SPTBN4: variants seen among roughly 807,000 people sequenced by gnomAD.
SPTBN4 encodes spectrin beta chain, non-erythrocytic 4.
A neutral mutation model predicts 277.8 loss-of-function variants in SPTBN4; 96 were observed. That is an observed-to-expected ratio of 0.35 (90% CI 0.29 to 0.41). The LOEUF (loss-of-function observed/expected upper bound fraction) is 0.41, where lower values mean the gene tolerates loss of function less well. SPTBN4 is among the 10% of genes least tolerant of loss of function. The probability of loss-of-function intolerance (pLI) is 1.00; values close to 1 mark genes in which losing one functional copy is unlikely to be tolerated. For synonymous variants in SPTBN4, 1,481 were observed against 1,580.3 expected (o/e 0.94, Z 1.49); for missense variants, 3,006 against 3,595.7 (o/e 0.84, Z 4.19).
chr19:40,482,137 A>G (rs1379172732), intron 2 of SPTBN4, among the ~76,000 whole-genome samples: 2 of 151,712 alleles, frequency 1.3e-5, no homozygotes, highest in Non-Finnish European at 2.9e-5. Flanking sequence ...GGGTTTCACC[A>G]TGTTGGCCAG....
In SPTBN4 at chr19:40,568,359, A is replaced by G. The variant is rs1599822395; in HGVS notation, c.6956+77A>G. Reference sequence around the variant, plus strand: ...CTCCTAGAACCCCTCAGGCCCAGTGAAAGGGCTTCAGGGCTCAGAACTTCC... The same window carrying G: ...CTCCTAGAACCCCTCAGGCCCAGTGGAAGGGCTTCAGGGCTCAGAACTTCC... On this transcript the variant is annotated intron_variant, in intron 31 of 35. Transcript: ENST00000598249. 8 of 1,463,794 alleles carry G rather than the reference A, an allele frequency of 5.5e-6. No homozygotes were observed. In the East Asian group the frequency reaches 2.0e-4, roughly 37 times the overall value. The allele number at this position is 1,463,794 out of a possible 1,614,324, so 90.7% of individuals were successfully genotyped here.
intron 7 of SPTBN4, among the ~76,000 whole-genome samples, chr19:40,499,334 C>T (rs1032306647): frequency 4.9e-4 from 74 of 152,050 alleles, no homozygotes; most frequent in African/African-American, 1.8e-3. Context: ...GCCATCACAC[C>T]TGGCTTACTT....
At chr19:40,494,239 C>T (rs2080169612) in intron 5 of SPTBN4, among the ~76,000 whole-genome samples, 1 of 152,034 alleles carries the variant, frequency 6.6e-6, no homozygotes, top group Non-Finnish European at 1.5e-5. Context: ...GGACTTTTGC[C>T]ATCTGTTTCT....
At position 40,554,809 on chromosome 19, in the gene SPTBN4, G is replaced by A; in HGVS notation, c.5084+163G>A. ...GCAAGTGGGCGGGCCGGAATGGGGG[G>A]ACACGGCTCAGGGATGGTTGAGAGG... On this transcript the variant is annotated intron_variant, in intron 24 of 35. Coordinates refer to ENST00000598249, the MANE Select transcript of SPTBN4 (RefSeq NM_020971.3). This position sits in a 1 kb window ranked among gnomAD's most constrained non-coding sequence, Gnocchi z 5.7. 2.7e-6 allele frequency: 3 copies of A among 1,092,504 alleles called. No individual in the cohort carries two copies. Among genetic ancestry groups the A allele is most frequent in the Non-Finnish European group, 4.0e-6 (3 of 756,680 alleles). 67.7% of individuals were successfully genotyped at this position (1,092,504 alleles called of 1,614,324 possible). A position where few individuals can be genotyped will look rare whatever the true frequency, so the allele number is the denominator to read the frequency against.
At chr19:40,574,107 A>T (rs1200660635) in intron 35 of SPTBN4, among the ~76,000 whole-genome samples, 2 of 144,336 alleles carry the variant, frequency 1.4e-5, no homozygotes, top group Non-Finnish European at 3.1e-5. Context: ...ATCTCAAAAC[A>T]AAACAAACAA....
chr19:40,473,362 T>TTTTG (rs1461128851), intron 2 of SPTBN4, among the ~76,000 whole-genome samples: 2 of 144,652 alleles, frequency 1.4e-5, no homozygotes, highest in African/African-American at 5.2e-5. Flanking sequence ...GTGTTTTTTT[T>TTTTG]TTTTTTTTTT....
At chr19:40,483,442 T>A (rs202046382) in intron 2 of SPTBN4, among the ~76,000 whole-genome samples, 2,923 of 152,140 alleles carry the variant, frequency 0.019, 48 homozygotes, top group East Asian at 0.042. Context: ...TACAATTTTT[T>A]AAAAAAAATA....
At chr19:40,552,857 T>C (rs1382088851) in intron 22 of SPTBN4, among the ~76,000 whole-genome samples, 3 of 152,202 alleles carry the variant, frequency 2.0e-5, no homozygotes, top group African/African-American at 7.2e-5. Flanking sequence ...CTCAGCTGTG[T>C]GTGCAGTGAG....
At chr19:40,488,250 G>T (rs1404380060) in intron 3 of SPTBN4, among the ~76,000 whole-genome samples, 17 of 151,994 alleles carry the variant, frequency 1.1e-4, no homozygotes, top group Admixed American at 1.1e-3. Context: ...GCGGGTTGGG[G>T]GTGGGTAGTG....
rs775506577 is a variant in SPTBN4 at position 40,556,158 on chromosome 19, G to T, written c.5159G>T (p.Arg1720Leu). 5.6e-6 allele frequency: 9 copies of T among 1,613,206 alleles called. No individual in the cohort carries two copies. The highest frequency in any genetic ancestry group is 1.3e-5 in the African/African-American group (1 of 74,926). The change falls in exon 25 of 36, where the codon CGG becomes CTG. Residue 1720 changes from arginine to leucine, a missense_variant. Coordinates refer to ENST00000598249, the MANE Select transcript of SPTBN4 (RefSeq NM_020971.3). ...CTCAAGGAGCTGGGTGAGGAGCGCC[G>T]GGTGGCTCTGGAACAGCAGTACTGG... ...VALKELGEERRVALEQQYWLY... is the reference protein window; with the variant it reads ...VALKELGEERLVALEQQYWLY...
At chr19:40,483,159 T>G (rs1041129047) in intron 2 of SPTBN4, among the ~76,000 whole-genome samples, 7 of 151,968 alleles carry the variant, frequency 4.6e-5, no homozygotes, top group African/African-American at 1.2e-4. Flanking sequence ...AGAGGGGAGA[T>G]GACCTCGAGA....
At chr19:40,564,651 A>C (rs2081074241) in intron 27 of SPTBN4, among the ~76,000 whole-genome samples, 1 of 151,908 alleles carries the variant, frequency 6.6e-6, no homozygotes, top group Non-Finnish European at 1.5e-5. Context: ...CAGCCTGGGC[A>C]ACATAGCAAG....
Position 40,554,154 on chromosome 19 carries a change from G to A in SPTBN4, c.4682G>A (p.Arg1561Gln), listed in dbSNP as rs774779804. 1.4e-6 allele frequency: 2 copies of A among 1,442,094 alleles called. No homozygotes were observed. Among genetic ancestry groups the A allele is most frequent in the Non-Finnish European group, 9.0e-7 (1 of 1,113,730 alleles). 89.3% of individuals were successfully genotyped at this position (1,442,094 alleles called of 1,614,324 possible). A position where few individuals can be genotyped will look rare whatever the true frequency, so the allele number is the denominator to read the frequency against. ...CTTACCTCCTGCCCCCAGGGCCTGC[G>A]GCGGGAGATCCAGGCGCATGGGCCG... ...QQHIKKNQGL[R>Q]REIQAHGPRL... Residue 1561 changes from arginine (R) to glutamine (Q), a missense_variant, in exon 23 of 36, where the codon CGG becomes CAG. Arg to Gln is a conservative substitution (Grantham distance 43, BLOSUM62 1). This residue lies in a region of SPTBN4 where 1,759 missense variants were observed against 2,061.5 expected (regional missense o/e 0.85). Coordinates refer to ENST00000598249, the MANE Select transcript of SPTBN4 (RefSeq NM_020971.3). This position sits in a 1 kb window ranked among gnomAD's most constrained non-coding sequence, Gnocchi z 5.7.
chr19:40,504,256 G>C (rs2080298703), intron 12 of SPTBN4, 124 bp downstream of exon 12: 1 of 1,017,364 alleles, frequency 9.8e-7, no homozygotes, highest in African/African-American at 1.6e-5. Flanking sequence ...AAGATAGAGA[G>C]AAAGCCAGGG....
intron 20 of SPTBN4, among the ~76,000 whole-genome samples, chr19:40,540,206 C>G (rs1414781730): frequency 6.6e-6 from 1 of 152,134 alleles, no homozygotes; most frequent in Non-Finnish European, 1.5e-5. Flanking sequence ...GGATAATAGG[C>G]ATGAACCACC....
chr19:40,573,909 G>A lies in SPTBN4; in HGVS notation c.7537-1502G>A, dbSNP rs866621458. Among the ~76,000 whole-genome samples the A allele has an allele frequency of 1.2e-4, 18 of 152,216 alleles. No individual in the cohort carries two copies. The South Asian group carries it at 1.5e-3, about 12-fold the overall frequency. ...AAGGTCAGGAGATCGAGACCATCCTGGCTGACACGGTGAAACCCCGTCTCT... is the reference window on the plus strand; with the variant it reads ...AAGGTCAGGAGATCGAGACCATCCTAGCTGACACGGTGAAACCCCGTCTCT... On this transcript the variant is annotated intron_variant, in intron 35 of 35. Coordinates refer to ENST00000598249, the MANE Select transcript of SPTBN4 (RefSeq NM_020971.3).
At chr19:40,575,265 T>C in intron 35 of SPTBN4, 146 bp from the exon 36 acceptor site, 2 of 964,846 alleles carry the variant, frequency 2.1e-6, no homozygotes, top group South Asian at 1.7e-5. Flanking sequence ...CTGGCACATA[T>C]TGCTATGTAA....
rs540577546 is a variant in SPTBN4, at chr19:40,575,863, T to C, written c.*294T>C. 12 of 273,544 alleles carry C rather than the reference T, an allele frequency of 4.4e-5. No individual in the cohort carries two copies. In the East Asian group the frequency reaches 1.0e-3, roughly 23 times the overall value. 16.9% of individuals were successfully genotyped at this position (273,544 alleles called of 1,614,324 possible). On this transcript the variant is annotated 3_prime_UTR_variant, in exon 36 of 36. Transcript: ENST00000598249. ...TTGATGGGGGTGGGCAGGGGGCCAG[T>C]TGAGCCAAGCCCCCAGCCCCGATCT... is the stretch of plus-strand genomic sequence containing the variant.
chr19:40,520,139 G>A lies in SPTBN4; in HGVS notation c.3642G>A (p.Val1214=), dbSNP rs1193021678. 1 of 1,441,232 alleles carries A rather than the reference G, an allele frequency of 6.9e-7. No individual in the cohort carries two copies. The highest frequency in any genetic ancestry group is 1.5e-5 in the African/African-American group (1 of 67,484). 89.3% of individuals were successfully genotyped at this position (1,441,232 alleles called of 1,614,324 possible). A position where few individuals can be genotyped will look rare whatever the true frequency, so the allele number is the denominator to read the frequency against. Residue 1214 remains valine, a synonymous_variant, in exon 16 of 36, where the codon GTG becomes GTA. Coordinates refer to ENST00000598249, the MANE Select transcript of SPTBN4 (RefSeq NM_020971.3). ...GGGATCTACGCCAGGCGCTCGTGGTGCTGCGTAACCAGGTGCCCACTCGGG... is the reference window on the plus strand; with the variant it reads ...GGGATCTACGCCAGGCGCTCGTGGTACTGCGTAACCAGGTGCCCACTCGGG... The part of the protein sequence containing the change: ...FLRDLRQALV[V]LRNQEMALSG...
Sources: gnomAD v4.1 joint callset for allele counts (sites outside exome capture counted in the v4.1 genomes callset) on GRCh38, gnomAD v4.1.1 for gene constraint, gnomAD v4.1.1 regional missense constraint, Gnocchi (gnomAD v3.1) non-coding constraint, MANE v1.5 for transcripts, NCBI Gene and HGNC (gene_info 2026-07-23, HGNC 2026-07-21) for gene names.